NRG3: variants seen among roughly 807,000 people sequenced by gnomAD.
NRG3 encodes the protein pro-neuregulin-3, membrane-bound isoform.
NRG3 carries 31 observed loss-of-function variants against 66.9 expected under a neutral mutation model. That is an observed-to-expected ratio of 0.46 (90% CI 0.35 to 0.63). The LOEUF (loss-of-function observed/expected upper bound fraction) is 0.63, where lower values mean the gene tolerates loss of function less well. NRG3 is among the 20% of genes least tolerant of loss of function. The pLI is 0.00. For synonymous variants in NRG3, 393 were observed against 359.4 expected, an observed-to-expected ratio of 1.09 and a Z score of -1.06; for missense variants, 910 against 878.9, an observed-to-expected ratio of 1.04 and a Z score of -0.45.
chr10:82,559,287 T>C (rs2044865942), intron 2 of NRG3, among the ~76,000 whole-genome samples: 2 of 152,106 alleles, frequency 1.3e-5, no homozygotes, highest in African/African-American at 4.8e-5. Context: ...ATTTAGGGAA[T>C]TACCTACACA....
chr10:82,167,173 T>C (rs1375065896), intron 1 of NRG3, among the ~76,000 whole-genome samples: 1 of 152,126 alleles, frequency 6.6e-6, no homozygotes, highest in African/African-American at 2.4e-5. Context: ...TTCTGCTTTT[T>C]TTGCATGCCT....
chr10:82,636,577 T>C (rs2050211892), intron 2 of NRG3, among the ~76,000 whole-genome samples: 1 of 152,228 alleles, frequency 6.6e-6, no homozygotes, highest in South Asian at 2.1e-4. Flanking sequence ...TTATCCATGT[T>C]GCAGCAAATG....
At chr10:81,938,641 GCA>G (rs376013477) in intron 1 of NRG3, among the ~76,000 whole-genome samples, 68,823 of 145,788 alleles carry the variant, frequency 0.47, 19,536 homozygotes, top group East Asian at 0.81. Context: ...GTGTGTGTGT[GCA>G]TGCATGCATG....
chr10:82,570,633 C>A (rs2045671434), intron 2 of NRG3, among the ~76,000 whole-genome samples: 1 of 151,572 alleles, frequency 6.6e-6, no homozygotes. Context: ...CATGATTTGA[C>A]CTTCAAGGAA....
intron 1 of NRG3, among the ~76,000 whole-genome samples, chr10:82,237,395 G>A (rs2076807339): frequency 1.3e-5 from 2 of 152,054 alleles, no homozygotes; most frequent in South Asian, 4.1e-4. Context: ...CCTTTTCTTA[G>A]AATCCTGTTT....
At position 82,868,778 on chromosome 10, in the gene NRG3, C is replaced by T. The variant is rs369542073; in HGVS notation, c.1054+3341C>T. Among the ~76,000 whole-genome samples the T allele has an allele frequency of 2.5e-4, 38 of 152,186 alleles. 1 individual carries two copies. The highest frequency in any genetic ancestry group is 8.2e-4 in the African/African-American group (34 of 41,494). On this transcript the variant is annotated intron_variant, in intron 4 of 8. Coordinates refer to ENST00000372141, the MANE Select transcript of NRG3 (RefSeq NM_001010848.4). The stretch of plus-strand genomic sequence containing the variant: ...CACAATCTTGGCTCATTGCAACCTC[C>T]GCCTCCCAAGTTCAAGAGATTCTCC...
intron 1 of NRG3, among the ~76,000 whole-genome samples, chr10:82,269,289 C>G (rs2078470528): frequency 1.3e-5 from 2 of 152,116 alleles, no homozygotes. Flanking sequence ...ATAGTTAATT[C>G]TTGTTAGTGG....
chr10:82,641,033 T>G (rs1252847175), intron 2 of NRG3, among the ~76,000 whole-genome samples: 1 of 17,994 alleles, frequency 5.6e-5, no homozygotes, highest in Non-Finnish European at 1.2e-4. Flanking sequence ...TTTTTTTTTT[T>G]TTTTTTTTTT....
chr10:81,960,880 CT>C (rs1403848115), intron 1 of NRG3, among the ~76,000 whole-genome samples: 1 of 152,066 alleles, frequency 6.6e-6, no homozygotes, highest in Non-Finnish European at 1.5e-5. Context: ...GAAGAAACCT[CT>C]TGATAAAGAC....
intron 1 of NRG3, among the ~76,000 whole-genome samples, chr10:82,332,275 A>C (rs1434340278): frequency 6.6e-6 from 1 of 152,210 alleles, no homozygotes; most frequent in Non-Finnish European, 1.5e-5. Context: ...TGTTTGGTAC[A>C]TGCTGTGTTT....
chr10:82,026,110 A>G (rs560494850), intron 1 of NRG3, among the ~76,000 whole-genome samples: 2 of 152,108 alleles, frequency 1.3e-5, no homozygotes, highest in African/African-American at 4.8e-5. Context: ...CTTTTAGAGC[A>G]ATTTTTTCTA....
chr10:82,651,183 T>C lies in NRG3; in HGVS notation c.954-87394T>C, dbSNP rs2051383687. ...TTACATTGGTTAGAAGAAGATGACA[T>C]GGACTAAGTGTAAGGTGAGGTAGTG... On this transcript the variant is annotated intron_variant, in intron 2 of 8. Transcript: ENST00000372141. Among the ~76,000 whole-genome samples the C allele has an allele frequency of 2.0e-5, 3 of 152,168 alleles. No individual in the cohort carries two copies. In the South Asian group the frequency reaches 6.2e-4, roughly 32 times the overall value.
chr10:82,468,276 A>G (rs957695907), intron 2 of NRG3, among the ~76,000 whole-genome samples: 1 of 152,046 alleles, frequency 6.6e-6, no homozygotes, highest in Non-Finnish European at 1.5e-5. Context: ...CCTCCCTTGC[A>G]TGAGAAGGGT....
intron 1 of NRG3, among the ~76,000 whole-genome samples, chr10:81,897,829 A>C (rs1387334971): frequency 6.6e-6 from 1 of 152,228 alleles, no homozygotes; most frequent in Non-Finnish European, 1.5e-5. Flanking sequence ...GATTATGCAC[A>C]CCATATAGAC....
intron 2 of NRG3, among the ~76,000 whole-genome samples, chr10:82,375,541 A>AAG (rs2085171973): frequency 6.6e-6 from 1 of 151,952 alleles, no homozygotes; most frequent in African/African-American, 2.4e-5. Flanking sequence ...CATCTCAAAA[A>AAG]AAAAAAAAAA....
At chr10:81,984,090 A>C (rs548845064) in intron 1 of NRG3, among the ~76,000 whole-genome samples, 3 of 152,210 alleles carry the variant, frequency 2.0e-5, no homozygotes, top group Non-Finnish European at 4.4e-5. Flanking sequence ...GGCAGCCACT[A>C]AAAAGCAGGG....
At chr10:82,074,579 A>G (rs1180101501) in intron 1 of NRG3, among the ~76,000 whole-genome samples, 1 of 152,106 alleles carries the variant, frequency 6.6e-6, no homozygotes, top group African/African-American at 2.4e-5. Flanking sequence ...TAATTGTTCT[A>G]AACACTTTGG....
At chr10:82,797,225 C>T (rs2060837375) in intron 3 of NRG3, among the ~76,000 whole-genome samples, 1 of 152,316 alleles carries the variant, frequency 6.6e-6, no homozygotes, top group East Asian at 1.9e-4. Flanking sequence ...TGCTCTAATT[C>T]ATGGCTCTTC....
chr10:82,044,009 G>A (rs2063153707), intron 1 of NRG3, among the ~76,000 whole-genome samples: 1 of 151,862 alleles, frequency 6.6e-6, no homozygotes, highest in Non-Finnish European at 1.5e-5. Context: ...TTCATTTTTG[G>A]TGAATGAGTG....
Sources: allele counts gnomAD v4.1 joint callset (sites outside exome capture counted in the v4.1 genomes callset), GRCh38; gene constraint gnomAD v4.1.1; transcripts MANE v1.5; gene names NCBI Gene and HGNC (gene_info 2026-07-23, HGNC 2026-07-21).